The following PHTF1 variants were observed in gnomAD, a reference collection of about 807,000 sequenced individuals.
The protein encoded by PHTF1 is protein PHTF1.
A neutral mutation model predicts 102.4 loss-of-function variants in PHTF1; 88 were observed. The observed-to-expected ratio is 0.86, with a 90% CI of 0.72 to 1.03. PHTF1 has a LOEUF of 1.03. Among genes scored for constraint, PHTF1 ranks in the 50% least tolerant of loss-of-function variants. The pLI, the probability that PHTF1 is intolerant of heterozygous loss-of-function variation, is 0.00. For missense variants in PHTF1, 814 were observed against 909.5 expected, an observed-to-expected ratio of 0.89 and a Z score of 1.35; for synonymous variants, 289 against 305.2, an observed-to-expected ratio of 0.95 and a Z score of 0.55.
chr1:113,745,392 G>C (rs1288906036), intron 3 of PHTF1, among the ~76,000 whole-genome samples: 2 of 152,136 alleles, frequency 1.3e-5, no homozygotes, highest in African/African-American at 4.8e-5. Context: ...AGAGAAAGCA[G>C]TTAGAAAGTT....
chr1:113,698,620 TACACACAC>T (rs56167437), intron 17 of PHTF1, among the ~76,000 whole-genome samples: 16 of 49,758 alleles, frequency 3.2e-4, no homozygotes, highest in Admixed American at 4.0e-4. Flanking sequence ...TATATATATA[TACACACAC>T]ACACACACAC....
Position 113,697,736 on chromosome 1 carries a change from A to T in PHTF1, c.2269-11T>A, listed in dbSNP as rs568425684. On this transcript the variant is annotated splice_polypyrimidine_tract_variant and intron_variant, in intron 18 of 18. Transcript: ENST00000369604. ...TTTAATTTTCCACAGCTAAGAGAACAAAATCACCAAAATAAGTTAGTTCTA... is the reference window on the plus strand; with the variant it reads ...TTTAATTTTCCACAGCTAAGAGAACTAAATCACCAAAATAAGTTAGTTCTA... The T allele has an allele frequency of 2.5e-6, 4 of 1,596,846 alleles. No homozygotes were observed. The South Asian group carries it at 4.4e-5, about 18-fold the overall frequency.
chr1:113,725,116 T>C (rs368160209), intron 6 of PHTF1, among the ~76,000 whole-genome samples: 5 of 152,032 alleles, frequency 3.3e-5, no homozygotes, highest in South Asian at 2.1e-4. Context: ...ATTAAAGAAA[T>C]AGAACCGCTA....
chr1:113,698,116 CTATT>C, intron 18 of PHTF1, 142 bp downstream of exon 18: 1 of 633,380 alleles, frequency 1.6e-6, no homozygotes, highest in Non-Finnish European at 2.6e-6. Flanking sequence ...ATCAAAATGC[CTATT>C]TCTTTACCTC....
Position 113,710,370 on chromosome 1 carries a change from C to T in PHTF1, c.1153G>A (p.Asp385Asn). The T allele has an allele frequency of 2.5e-6, 4 of 1,614,096 alleles. No individual in the cohort carries two copies. Among genetic ancestry groups the T allele is most frequent in the South Asian group, 1.1e-5 (1 of 91,080 alleles). The stretch of plus-strand genomic sequence containing the variant: ...CGGCACTCTGGGCCATGTAGCAGGT[C>T]GTCCCATAACATGTCCTCAGTCTCC... ...DSETEDMLWD[D>N]LLHGPECRSS... Residue 385 changes from aspartate (D) to asparagine (N), a missense_variant, in exon 11 of 19, where the codon GAC (aspartate) becomes AAC (asparagine). Asp to Asn is a conservative substitution (Grantham distance 23). Transcript: ENST00000369604.
In PHTF1 at chr1:113,759,074, C is replaced by T. The variant is rs1659320657; in HGVS notation, c.-82G>A. ...CGCCCGGGACCTCCGTCCTCAGTGC[C>T]CGGGGTCCCACCGTGAGGCCGGGGG... On this transcript the variant is annotated 5_prime_UTR_variant, in exon 1 of 19. Transcript: ENST00000369604. The T allele has an allele frequency of 1.0e-6, 1 of 998,010 alleles. No homozygotes were observed. The highest frequency in any genetic ancestry group is 1.2e-6 in the Non-Finnish European group (1 of 838,640). The allele number at this position is 998,010 out of a possible 1,614,324, so 61.8% of individuals were successfully genotyped here.
chr1:113,721,846 C>T (rs1011895900), intron 7 of PHTF1, among the ~76,000 whole-genome samples: 14 of 151,720 alleles, frequency 9.2e-5, no homozygotes, highest in African/African-American at 2.7e-4. Flanking sequence ...CCCGCCACCA[C>T]GCCCGGCTAA....
chr1:113,710,251 G>A lies in PHTF1; in HGVS notation c.1269+3C>T. ...TAGCTATTCTTATCATGTCTGCACA[G>A]ACCTGCTGAAAAACATCCTCTTTGG... On this transcript the variant is annotated splice_donor_region_variant and intron_variant, in intron 11 of 18. Transcript: ENST00000369604. The A allele has an allele frequency of 1.9e-6, 3 of 1,605,132 alleles. No homozygotes were observed. Among genetic ancestry groups the A allele is most frequent in the Non-Finnish European group, 2.6e-6 (3 of 1,173,004 alleles).
At chr1:113,711,111 G>A (rs1225895899) in intron 10 of PHTF1, among the ~76,000 whole-genome samples, 1 of 152,072 alleles carries the variant, frequency 6.6e-6, no homozygotes, top group Non-Finnish European at 1.5e-5. Flanking sequence ...GCTTAGCTGA[G>A]CTTTTTGACA....
At chr1:113,735,365 C>CAA (rs749964684) in intron 5 of PHTF1, among the ~76,000 whole-genome samples, 5,670 of 28,420 alleles carry the variant, frequency 0.2, 2,377 homozygotes, top group Non-Finnish European at 0.2. Context: ...GACTCTGTCT[C>CAA]AAAAAAAAAA....
At chr1:113,698,493 TCTTTC>T in intron 17 of PHTF1, 106 bp from the exon 18 acceptor site, 1 of 948,468 alleles carries the variant, frequency 1.1e-6, no homozygotes. Context: ...CTTAAGGCTG[TCTTTC>T]CTTAATATTC....
intron 7 of PHTF1, among the ~76,000 whole-genome samples, chr1:113,721,920 T>A (rs1483971965): frequency 6.6e-6 from 1 of 151,624 alleles, no homozygotes; most frequent in Non-Finnish European, 1.5e-5. Flanking sequence ...GGTCTCAACC[T>A]CCTGACCTCG....
intron 15 of PHTF1, 148 bp from the exon 16 acceptor site, chr1:113,701,097 C>T: frequency 1.6e-6 from 1 of 633,076 alleles, no homozygotes; most frequent in South Asian, 2.0e-5. Context: ...TTAACTATTA[C>T]CTATTTATTT....
intron 7 of PHTF1, among the ~76,000 whole-genome samples, chr1:113,724,194 T>C (rs1200269776): frequency 6.6e-6 from 1 of 152,174 alleles, no homozygotes; most frequent in African/African-American, 2.4e-5. Flanking sequence ...ACAACCACTA[T>C]GAAGAACAGC....
intron 3 of PHTF1, among the ~76,000 whole-genome samples, chr1:113,744,745 G>A (rs907904857): frequency 1.3e-5 from 2 of 152,124 alleles, no homozygotes; most frequent in Non-Finnish European, 2.9e-5. Context: ...ACCTCAGGGC[G>A]ACCAGCCTGG....
intron 11 of PHTF1, 22 bp from the exon 12 acceptor site, chr1:113,706,744 T>A: frequency 6.3e-7 from 1 of 1,578,954 alleles, no homozygotes. Context: ...AATATAAAAT[T>A]GTTTCTATCC....
intron 7 of PHTF1, among the ~76,000 whole-genome samples, chr1:113,715,641 C>A (rs2146019): frequency 1.1e-5 from 1 of 91,084 alleles, no homozygotes. Flanking sequence ...ACAGTGAAAC[C>A]CTGTCTCAAA....
chr1:113,704,532 G>A (rs1453769930), intron 14 of PHTF1, 134 bp downstream of exon 14: 2 of 619,778 alleles, frequency 3.2e-6, no homozygotes, highest in African/African-American at 1.9e-5. Flanking sequence ...CCAACTTGCT[G>A]TCCAGCAAGT....
intron 5 of PHTF1, among the ~76,000 whole-genome samples, chr1:113,731,710 G>A (rs965959017): frequency 2.0e-5 from 3 of 151,310 alleles, no homozygotes; most frequent in Admixed American, 6.6e-5. Context: ...CCTGGCCAAC[G>A]TGGCAAAACC....
Sources: gnomAD v4.1 joint callset for allele counts (sites outside exome capture counted in the v4.1 genomes callset) on GRCh38, gnomAD v4.1.1 for gene constraint, MANE v1.5 for transcripts, NCBI Gene and HGNC (gene_info 2026-07-23, HGNC 2026-07-21) for gene names.